Variants in EFCAB8 observed in about 807,000 individuals in gnomAD.
EFCAB8 encodes EF-hand calcium-binding domain-containing protein 8.
EFCAB8 carries 100 observed loss-of-function variants against 116.3 expected under a neutral mutation model. That is an observed-to-expected ratio of 0.86 (90% CI 0.73 to 1.02). The LOEUF (loss-of-function observed/expected upper bound fraction) is 1.02. EFCAB8 is among the 50% of genes least tolerant of loss of function. The pLI, the probability that EFCAB8 is intolerant of heterozygous loss-of-function variation, is 0.00. For missense variants in EFCAB8, 1,320 were observed against 1,416.9 expected (o/e 0.93, Z 1.10); for synonymous variants, 558 against 567.9 (o/e 0.98, Z 0.25).
intron 17 of EFCAB8, among the ~76,000 whole-genome samples, chr20:32,914,587 A>G (rs1315338679): frequency 6.6e-6 from 1 of 152,238 alleles, no homozygotes; most frequent in Non-Finnish European, 1.5e-5. Context: ...GGAAACTTAC[A>G]ATCATAGTTA....
intron 23 of EFCAB8, among the ~76,000 whole-genome samples, chr20:32,948,581 A>G (rs1463213903): frequency 1.4e-5 from 2 of 142,644 alleles, no homozygotes; most frequent in East Asian, 2.1e-4. Context: ...AGAAAGAAAG[A>G]AAAGAAAGGA....
chr20:32,877,772 T>C (rs1382530535), intron 4 of EFCAB8, among the ~76,000 whole-genome samples: 1 of 152,180 alleles, frequency 6.6e-6, no homozygotes, highest in East Asian at 1.9e-4. Flanking sequence ...TGCTCCCTGC[T>C]GTTAACTTGA....
intron 11 of EFCAB8, among the ~76,000 whole-genome samples, chr20:32,902,655 A>G (rs951194285): frequency 6.6e-6 from 1 of 152,190 alleles, no homozygotes; most frequent in Non-Finnish European, 1.5e-5. Flanking sequence ...TGCAATGTAC[A>G]GGCCGGCAGG....
intron 17 of EFCAB8, among the ~76,000 whole-genome samples, chr20:32,913,416 A>T (rs951465878): frequency 6.6e-6 from 1 of 152,120 alleles, no homozygotes; most frequent in Admixed American, 6.5e-5. Flanking sequence ...TCGCCTCCCA[A>T]GGCCCCACCT....
intron 22 of EFCAB8, among the ~76,000 whole-genome samples, chr20:32,934,441 T>C (rs1988026588): frequency 6.6e-6 from 1 of 152,224 alleles, no homozygotes; most frequent in Non-Finnish European, 1.5e-5. Flanking sequence ...TTTGACATAT[T>C]GATATGACAT....
intron 22 of EFCAB8, among the ~76,000 whole-genome samples, chr20:32,937,369 C>A (rs1033102554): frequency 2.0e-5 from 3 of 152,178 alleles, no homozygotes; most frequent in Non-Finnish European, 4.4e-5. Context: ...TAATCACTTA[C>A]TTAGCTTGTT....
intron 11 of EFCAB8, chr20:32,903,813 A>G (rs184754848): frequency 0.015 from 2,294 of 152,772 alleles, 26 homozygotes; most frequent in Non-Finnish European, 0.023. Flanking sequence ...AGCAGTGGCC[A>G]TGGGAGTGGA....
At chr20:32,949,983 G>C (rs1435959333) in intron 23 of EFCAB8, among the ~76,000 whole-genome samples, 2 of 145,166 alleles carry the variant, frequency 1.4e-5, no homozygotes, top group East Asian at 3.9e-4. Flanking sequence ...CTGGGCAACA[G>C]AGCAAGACTC....
In EFCAB8 at chr20:32,917,509, T is replaced by C; in HGVS notation, c.2061+4T>C. On this transcript the variant is annotated splice_donor_region_variant and intron_variant, in intron 18 of 26. Coordinates refer to ENST00000400522, the MANE Select transcript of EFCAB8 (RefSeq NM_001143967.2). The stretch of plus-strand genomic sequence containing the variant: ...CTCGCCCTTGCAGCCCAAGAGGGTA[T>C]GTTAACAGGAGCACACTCTCCTCCC... 6.4e-7 allele frequency: 1 copy of C among 1,551,226 alleles called. No homozygotes were observed. Among genetic ancestry groups the C allele is most frequent in the Non-Finnish European group, 8.7e-7 (1 of 1,146,706 alleles).
rs1457905791 is a variant in EFCAB8, at chr20:32,912,875, A to G, written c.1856+11A>G. 2 of 718,748 alleles carry G rather than the reference A, an allele frequency of 2.8e-6. No individual in the cohort carries two copies. Among genetic ancestry groups the G allele is most frequent in the Non-Finnish European group, 2.6e-6 (1 of 385,130 alleles). The allele number at this position is 718,748 out of a possible 1,614,324, so 44.5% of individuals were successfully genotyped here. ...AATCACTCATTTCCTGTGAGTAGAAAGCATGTATGGTGAGTAGGTTCCAGT... is the reference window on the plus strand; with the variant it reads ...AATCACTCATTTCCTGTGAGTAGAAGGCATGTATGGTGAGTAGGTTCCAGT... On this transcript the variant is annotated intron_variant, in intron 17 of 26. Coordinates refer to ENST00000400522, the MANE Select transcript of EFCAB8 (RefSeq NM_001143967.2).
chr20:32,909,763 T>C (rs1986833112), intron 14 of EFCAB8, 58 bp from the exon 15 acceptor site: 2 of 920,438 alleles, frequency 2.2e-6, no homozygotes, highest in Non-Finnish European at 2.9e-6. Flanking sequence ...CGGCAGCCCA[T>C]CACTGTGAGC....
rs147417435 is a variant in EFCAB8 at position 32,911,696 on chromosome 20, G to C, written c.1774G>C (p.Glu592Gln). The change falls in exon 16 of 27, where the codon GAA becomes CAA. Residue 592 changes from glutamate (E) to glutamine (Q), a missense_variant. Glu to Gln is a conservative substitution (Grantham distance 29). Transcript: ENST00000400522. The stretch of plus-strand genomic sequence containing the variant: ...ATGCCTGTTGACCTTTCCCAGTCCG[G>C]AACAGCTGGAGGTCAGTCTTGCTTG... The part of the protein sequence containing the change: ...GKCLLTFPSP[E>Q]QLEISGIIHM... 1,592 of 1,551,696 alleles carry C rather than the reference G, an allele frequency of 1.0e-3. 3 individuals are homozygous for C. The highest frequency in any genetic ancestry group is 3.3e-3 in the South Asian group (278 of 84,040).
At chr20:32,879,596 G>C (rs1384921009) in intron 5 of EFCAB8, among the ~76,000 whole-genome samples, 1 of 152,150 alleles carries the variant, frequency 6.6e-6, no homozygotes. Flanking sequence ...CTAAGAAACA[G>C]ATAACCTGAG....
rs1490275661 is a variant in EFCAB8, at chr20:32,937,782, C to T, written c.2791-5854C>T. On this transcript the variant is annotated intron_variant, in intron 22 of 26. Coordinates refer to ENST00000400522, the MANE Select transcript of EFCAB8 (RefSeq NM_001143967.2). Reference sequence around the variant, plus strand: ...TACAGGCATGCACCACCATGCCTGGCTAATTTTTGTATTTTTAGTAGAGAC... The same window carrying T: ...TACAGGCATGCACCACCATGCCTGGTTAATTTTTGTATTTTTAGTAGAGAC... 1.3e-5 allele frequency among the ~76,000 whole-genome samples: 2 copies of T among 148,750 alleles called. 1 individual carries two copies. Among genetic ancestry groups the T allele is most frequent in the Non-Finnish European group, 3.0e-5 (2 of 67,218 alleles).
intron 5 of EFCAB8, among the ~76,000 whole-genome samples, chr20:32,882,152 T>C (rs879201647): frequency 6.6e-6 from 1 of 151,972 alleles, no homozygotes; most frequent in Admixed American, 6.6e-5. Context: ...GAGCCGAGAT[T>C]GCGCCATTGC....
chr20:32,911,754 C>T, intron 16 of EFCAB8, 47 bp downstream of exon 16: 1 of 1,516,774 alleles, frequency 6.6e-7, no homozygotes, highest in Non-Finnish European at 9.0e-7. Flanking sequence ...TCTTGGGAAG[C>T]AAAGCACAGC....
intron 7 of EFCAB8, among the ~76,000 whole-genome samples, chr20:32,891,590 A>T (rs1201574966): frequency 1.3e-5 from 2 of 152,144 alleles, no homozygotes; most frequent in Non-Finnish European, 2.9e-5. Context: ...GCTCGGAGGT[A>T]CTCAGACAAG....
chr20:32,952,882 G>A (rs1277063018), intron 23 of EFCAB8, among the ~76,000 whole-genome samples: 1 of 152,174 alleles, frequency 6.6e-6, no homozygotes, highest in Non-Finnish European at 1.5e-5. Context: ...CAGTTCAGTA[G>A]TGTTAAGTAT....
At chr20:32,887,515 C>T (rs1985693122) in intron 6 of EFCAB8, among the ~76,000 whole-genome samples, 1 of 152,228 alleles carries the variant, frequency 6.6e-6, no homozygotes, top group Non-Finnish European at 1.5e-5. Flanking sequence ...GCAGAGGTTC[C>T]AGTGAGCCGA....
Sources: gnomAD v4.1 joint callset for allele counts (sites outside exome capture counted in the v4.1 genomes callset) on GRCh38, gnomAD v4.1.1 for gene constraint, MANE v1.5 for transcripts, NCBI Gene and HGNC (gene_info 2026-07-23, HGNC 2026-07-21) for gene names.